Variants in BRIP1 observed in about 807,000 individuals in gnomAD.
BRIP1 encodes the protein Fanconi anemia group J protein.
BRIP1 carries 88 observed loss-of-function variants against 119.7 expected under a neutral mutation model. The ratio of observed to expected loss-of-function variants is 0.74; its 90% CI spans 0.62 to 0.88. BRIP1 has a LOEUF of 0.88. BRIP1 is among the 40% of genes least tolerant of loss of function. The pLI is 0.00. For synonymous variants in BRIP1, 443 were observed against 496.5 expected, an observed-to-expected ratio of 0.89 and a Z score of 1.43; for missense variants, 1,259 against 1,455.4, an observed-to-expected ratio of 0.87 and a Z score of 2.20.
chr17:61,737,426 T>C lies in BRIP1; in HGVS notation c.2379+5587A>G, dbSNP rs555646554. 1.9e-3 allele frequency among the ~76,000 whole-genome samples: 289 copies of C among 152,290 alleles called. 3 individuals are homozygous for C. The highest frequency in any genetic ancestry group is 6.5e-3 in the African/African-American group (270 of 41,554). On this transcript the variant is annotated intron_variant, in intron 16 of 19. Coordinates refer to ENST00000259008, the MANE Select transcript of BRIP1 (RefSeq NM_032043.3). The stretch of plus-strand genomic sequence containing the variant: ...TATCTAAATTAAAGAGTTACAACTA[T>C]AAAACTCTTCAAGGAAAACATTAGG...
In BRIP1 at chr17:61,799,217, T is replaced by TA. The variant is rs1603342258; in HGVS notation, c.1222dup (p.Tyr408LeufsTer14). 6.2e-7 allele frequency: 1 copy of TA among 1,613,656 alleles called. No individual in the cohort carries two copies. Among genetic ancestry groups the TA allele is most frequent in the Non-Finnish European group, 8.5e-7 (1 of 1,179,630 alleles). On this transcript the variant is annotated frameshift_variant, in exon 9 of 20. Coordinates refer to ENST00000259008, the MANE Select transcript of BRIP1 (RefSeq NM_032043.3). LOFTEE classifies it high-confidence loss of function. The surrounding 1 kb of genome is among the most constrained non-coding windows in gnomAD (Gnocchi z 5.1). ...CCGAAGCTGAACTTCTGTTACACTG[T>TA]AACTTGCTGATTCCCGAGCACAGTC...
At chr17:61,765,713 G>T (rs1456654101) in intron 14 of BRIP1, among the ~76,000 whole-genome samples, 1 of 150,880 alleles carries the variant, frequency 6.6e-6, no homozygotes, top group Non-Finnish European at 1.5e-5. Context: ...GGGATTACAG[G>T]CATGAGCCAG....
At chr17:61,714,690 A>G (rs2061830898) in intron 17 of BRIP1, among the ~76,000 whole-genome samples, 1 of 152,210 alleles carries the variant, frequency 6.6e-6, no homozygotes. Context: ...ACAAATCTTA[A>G]TGGGCAAGAA....
intron 16 of BRIP1, among the ~76,000 whole-genome samples, chr17:61,728,812 G>A (rs2076804975): frequency 6.6e-6 from 1 of 152,156 alleles, no homozygotes; most frequent in African/African-American, 2.4e-5. Context: ...AGATCAGGAG[G>A]CTCCAGAAAT....
At chr17:61,800,980 TTC>T (rs1200337502) in intron 8 of BRIP1, among the ~76,000 whole-genome samples, 6 of 152,334 alleles carry the variant, frequency 3.9e-5, no homozygotes, top group African/African-American at 9.6e-5. Flanking sequence ...TTCTAAATAA[TTC>T]TTTTTGAATA....
rs2061290161 is a variant in BRIP1 at position 61,683,007 on chromosome 17, CTG to C, written c.*287_*288del. The C allele has an allele frequency of 2.6e-6, 1 of 381,710 alleles. No individual in the cohort carries two copies. The highest frequency in any genetic ancestry group is 4.8e-6 in the Non-Finnish European group (1 of 208,884). 23.6% of individuals were successfully genotyped at this position (381,710 alleles called of 1,614,324 possible). A position where few individuals can be genotyped will look rare whatever the true frequency, so the allele number is the denominator to read the frequency against. On this transcript the variant is annotated 3_prime_UTR_variant, in exon 20 of 20. Coordinates refer to ENST00000259008, the MANE Select transcript of BRIP1 (RefSeq NM_032043.3). The surrounding 1 kb of genome is among the most constrained non-coding windows in gnomAD (Gnocchi z 4.7). ...ACTAGCTGGGCATGGTGGTGCACAC[CTG>C]TAGTCCCAGCTACTCAGAAGGCTGA...
In BRIP1 at chr17:61,861,794, G is replaced by C; in HGVS notation, c.-30-225C>G. On this transcript the variant is annotated intron_variant, in intron 1 of 19. Coordinates refer to ENST00000259008, the MANE Select transcript of BRIP1 (RefSeq NM_032043.3). The surrounding 1 kb of genome is among the most constrained non-coding windows in gnomAD (Gnocchi z 4.5). Reference sequence around the variant, plus strand: ...GTATCCTTCACTCTGCCAGGTATTAGTTGTGTGACTTCGGGAAAGTTAGTT... The same window carrying C: ...GTATCCTTCACTCTGCCAGGTATTACTTGTGTGACTTCGGGAAAGTTAGTT... 1 of 545,330 alleles carries C rather than the reference G, an allele frequency of 1.8e-6. No homozygotes were observed. The highest frequency in any genetic ancestry group is 3.1e-5 in the Admixed American group (1 of 32,154). The allele number at this position is 545,330 out of a possible 1,614,324, so 33.8% of individuals were successfully genotyped here. A position where few individuals can be genotyped will look rare whatever the true frequency, so the allele number is the denominator to read the frequency against.
rs2077852333 is a variant in BRIP1, at chr17:61,793,601, A to C, written c.1469T>G (p.Leu490Trp). The change falls in exon 10 of 20, where the codon TTG becomes TGG. Residue 490 changes from leucine (L) to tryptophan (W), a missense_variant. Physicochemically the swap from Leu to Trp is moderately conservative, Grantham distance 61. Transcript: ENST00000259008. This position sits in a 1 kb window ranked among gnomAD's most constrained non-coding sequence, Gnocchi z 5.2. Reference sequence around the variant, plus strand: ...CAGGTAGAAAAAATATCTTACCTGCAAAATGGGAAAAGTAGCAGTGGTGAT... The same window carrying C: ...CAGGTAGAAAAAATATCTTACCTGCCAAATGGGAAAAGTAGCAGTGGTGAT... ...MGITTATFPILQGHFSAVLQK... is the reference protein window; with the variant it reads ...MGITTATFPIWQGHFSAVLQK... The C allele has an allele frequency of 6.2e-7, 1 of 1,604,630 alleles. No individual in the cohort carries two copies. Among genetic ancestry groups the C allele is most frequent in the Non-Finnish European group, 8.5e-7 (1 of 1,175,082 alleles).
rs1310047952 is a variant in BRIP1, at chr17:61,724,428, G to A, written c.2380-8365C>T. 2.0e-5 allele frequency among the ~76,000 whole-genome samples: 3 copies of A among 152,068 alleles called. No homozygotes were observed. Among genetic ancestry groups the A allele is most frequent in the South Asian group, 2.1e-4 (1 of 4,824 alleles). On this transcript the variant is annotated intron_variant, in intron 16 of 19. Transcript: ENST00000259008. The surrounding 1 kb of genome is among the most constrained non-coding windows in gnomAD (Gnocchi z 5.1). ...AAAGGATTATACTGCATATGTCAAC[G>A]AGAAATTAAGGTCACAATTATTAAC... is the stretch of plus-strand genomic sequence containing the variant.
rs560842536 is a variant in BRIP1 at position 61,856,676 on chromosome 17, G to A, written c.379+382C>T. 9.9e-5 allele frequency among the ~76,000 whole-genome samples: 15 copies of A among 152,234 alleles called. No homozygotes were observed. The highest frequency in any genetic ancestry group is 3.6e-4 in the African/African-American group (15 of 41,554). On this transcript the variant is annotated intron_variant, in intron 4 of 19. Transcript: ENST00000259008. This position sits in a 1 kb window ranked among gnomAD's most constrained non-coding sequence, Gnocchi z 5.1. The stretch of plus-strand genomic sequence containing the variant: ...TAGGATACTGGCCTCAGAAGGCCAG[G>A]CAAACTTATCAAGAATGAATCAATG...
In BRIP1 at chr17:61,680,181, TAAA is replaced by T. The variant is rs35235448; in HGVS notation, c.*3112_*3114del. On this transcript the variant is annotated 3_prime_UTR_variant, in exon 20 of 20. Transcript: ENST00000259008. ...AACATGGTGAAACCCTGTCGATACTTAAAAAAAAAAAAAAAAAAAAATTAGCTG... is the reference window on the plus strand; with the variant it reads ...AACATGGTGAAACCCTGTCGATACTTAAAAAAAAAAAAAAAAAATTAGCTG... 8.6e-5 allele frequency among the ~76,000 whole-genome samples: 11 copies of T among 127,924 alleles called. No individual in the cohort carries two copies. Among genetic ancestry groups the T allele is most frequent in the Non-Finnish European group, 1.5e-4 (9 of 60,282 alleles). The allele number at this position is 127,924 out of a possible 152,430, so 83.9% of individuals were successfully genotyped here.
rs2078072631 is a variant in BRIP1 at position 61,806,322 on chromosome 17, A to G, written c.918+2145T>C. Among the ~76,000 whole-genome samples, 1 of 152,230 alleles carries G rather than the reference A, an allele frequency of 6.6e-6. No individual in the cohort carries two copies. ...GACTTTGTAATTGCCCTTCATTACA[A>G]TACCAAATTACTAACAGGGCTTGAG... On this transcript the variant is annotated intron_variant, in intron 7 of 19. Transcript: ENST00000259008. The surrounding 1 kb of genome is among the most constrained non-coding windows in gnomAD (Gnocchi z 4.9).
chr17:61,723,483 T>C (rs1410722948), intron 16 of BRIP1, among the ~76,000 whole-genome samples: 2 of 152,192 alleles, frequency 1.3e-5, no homozygotes, highest in African/African-American at 4.8e-5. Flanking sequence ...CACATTCACA[T>C]TACCTTATAA....
chr17:61,804,952 TTCTGTGTGTGTGTG>T lies in BRIP1; in HGVS notation c.919-3492_919-3479del, dbSNP rs2078051653. Reference sequence around the variant, plus strand: ...AAGGCAGGATGAAATGTCTCTCTCTTTCTGTGTGTGTGTGTGTGTGTGTGTGTGTGTGTGTGTGT... The same window carrying T: ...AAGGCAGGATGAAATGTCTCTCTCTTTGTGTGTGTGTGTGTGTGTGTGTGT... On this transcript the variant is annotated intron_variant, in intron 7 of 19. Coordinates refer to ENST00000259008, the MANE Select transcript of BRIP1 (RefSeq NM_032043.3). The surrounding 1 kb of genome is among the most constrained non-coding windows in gnomAD (Gnocchi z 4.5). Among the ~76,000 whole-genome samples the T allele has an allele frequency of 9.9e-6, 1 of 101,142 alleles. No individual in the cohort carries two copies. The highest frequency in any genetic ancestry group is 3.5e-4 in the South Asian group (1 of 2,866). 66.4% of individuals were successfully genotyped at this position (101,142 alleles called of 152,430 possible). A position where few individuals can be genotyped will look rare whatever the true frequency, so the allele number is the denominator to read the frequency against.
At chr17:61,741,731 C>T (rs1319043168) in intron 16 of BRIP1, among the ~76,000 whole-genome samples, 2 of 152,204 alleles carry the variant, frequency 1.3e-5, no homozygotes, top group Non-Finnish European at 2.9e-5. Flanking sequence ...ATTCAGTAAA[C>T]CATGCTGTAA....
Position 61,726,311 on chromosome 17 carries a change from A to G in BRIP1, c.2380-10248T>C, listed in dbSNP as rs1366839408. 6.6e-6 allele frequency among the ~76,000 whole-genome samples: 1 copy of G among 152,246 alleles called. No homozygotes were observed. The highest frequency in any genetic ancestry group is 1.9e-4 in the East Asian group (1 of 5,204). On this transcript the variant is annotated intron_variant, in intron 16 of 19. Transcript: ENST00000259008. The surrounding 1 kb of genome is among the most constrained non-coding windows in gnomAD (Gnocchi z 6.2). ...AATGACAATATGCATGAAACAGTAA[A>G]GCATCAGATACTAGAGGTAAGTGGA... is the stretch of plus-strand genomic sequence containing the variant.
Position 61,822,848 on chromosome 17 carries a change from C to T in BRIP1, c.628-14091G>A, listed in dbSNP as rs573411157. On this transcript the variant is annotated intron_variant, in intron 6 of 19. Transcript: ENST00000259008. This position sits in a 1 kb window ranked among gnomAD's most constrained non-coding sequence, Gnocchi z 4.4. ...AAGGTGGGACGGTTCCAAATGACAA[C>T]GAAGTCCCATGTGTAGTGGTGCTGT... Among the ~76,000 whole-genome samples, 17 of 151,940 alleles carry T rather than the reference C, an allele frequency of 1.1e-4. No individual in the cohort carries two copies. The highest frequency in any genetic ancestry group is 2.1e-4 in the Non-Finnish European group (14 of 67,984).
chr17:61,698,862 A>G (rs2061567634), intron 17 of BRIP1, among the ~76,000 whole-genome samples: 1 of 151,822 alleles, frequency 6.6e-6, no homozygotes, highest in African/African-American at 2.4e-5. Context: ...TTATAGGCAC[A>G]TGCCACTACA....
rs1329560261 is a variant in BRIP1, at chr17:61,730,072, T to C, written c.2379+12941A>G. Among the ~76,000 whole-genome samples, 1 of 152,226 alleles carries C rather than the reference T, an allele frequency of 6.6e-6. No individual in the cohort carries two copies. Among genetic ancestry groups the C allele is most frequent in the Non-Finnish European group, 1.5e-5 (1 of 68,040 alleles). ...GCAGTAGGAAAATACACTGAGTTAT[T>C]TGTATAGCTTACTATAGTCACTGAC... On this transcript the variant is annotated intron_variant, in intron 16 of 19. Transcript: ENST00000259008. This position sits in a 1 kb window ranked among gnomAD's most constrained non-coding sequence, Gnocchi z 4.3.
Sources: gnomAD v4.1 joint callset for allele counts (sites outside exome capture counted in the v4.1 genomes callset) on GRCh38, gnomAD v4.1.1 for gene constraint, Gnocchi (gnomAD v3.1) non-coding constraint, MANE v1.5 for transcripts, NCBI Gene and HGNC (gene_info 2026-07-23, HGNC 2026-07-21) for gene names.